The following HK1 variants were observed in gnomAD, a reference collection of about 807,000 sequenced individuals.
The protein encoded by HK1 is hexokinase-1.
In HK1, 28 loss-of-function variants were observed where a neutral mutation model predicts 91.6. The ratio of observed to expected loss-of-function variants is 0.31; its 90% confidence interval spans 0.23 to 0.42. The LOEUF (loss-of-function observed/expected upper bound fraction) is 0.42. Ranked by LOEUF, HK1 falls within the 10% of genes least tolerant of loss-of-function variation. HK1 has a pLI of 1.00. For synonymous variants in HK1, 430 were observed against 468.1 expected (o/e 0.92, Z 1.05); for missense variants, 770 against 1,219.8 (o/e 0.63, Z 5.49).
chr10:69,329,580 C>T lies in HK1; in HGVS notation c.63+10570C>T, dbSNP rs866912586. 2.0e-5 allele frequency among the ~76,000 whole-genome samples: 3 copies of T among 152,136 alleles called. No homozygotes were observed. In the South Asian group the frequency reaches 6.2e-4, roughly 32 times the overall value. On this transcript the variant is annotated intron_variant, in intron 1 of 17. Transcript: ENST00000359426. Reference sequence around the variant, plus strand: ...CCATTCAGAAATGAGCAAACGAAGGCCCCCCAGGTGGTGAATTGACTTTCT... The same window carrying T: ...CCATTCAGAAATGAGCAAACGAAGGTCCCCCAGGTGGTGAATTGACTTTCT...
At position 69,368,529 on chromosome 10, in the gene HK1, T is replaced by C; in HGVS notation, c.496-7T>C. 1 of 1,613,726 alleles carries C rather than the reference T, an allele frequency of 6.2e-7. No homozygotes were observed. Among genetic ancestry groups the C allele is most frequent in the Non-Finnish European group, 8.5e-7 (1 of 1,179,614 alleles). ...CCTCATCCAGCCCCATCCATTCTTC[T>C]TTGCAGGCCATCCTGATCACCTGGA... On this transcript the variant is annotated splice_polypyrimidine_tract_variant and splice_region_variant and intron_variant, in intron 4 of 17. Transcript: ENST00000359426.
chr10:69,283,029 G>A lies in HK1; in HGVS notation c.-215+325G>A, dbSNP rs563318286. ...TAATCCCAGCTACTTCGGAGGCTGA[G>A]GCAGGAGAATCGCTTGAACCCAGGA... is the stretch of plus-strand genomic sequence containing the variant. On this transcript the variant is annotated intron_variant, in intron 2 of 21. Coordinates refer to the HK1 transcript ENST00000360289. Among the ~76,000 whole-genome samples, 27 of 150,806 alleles carry A rather than the reference G, an allele frequency of 1.8e-4. No homozygotes were observed. The East Asian group carries it at 5.3e-3, about 29-fold the overall frequency.
chr10:69,380,929 A>C lies in HK1; in HGVS notation c.1265+834A>C, dbSNP rs1270174956. Among the ~76,000 whole-genome samples the C allele has an allele frequency of 6.6e-6, 1 of 152,220 alleles. No homozygotes were observed. Among genetic ancestry groups the C allele is most frequent in the East Asian group, 1.9e-4 (1 of 5,204 alleles). The stretch of plus-strand genomic sequence containing the variant: ...GTTTCCCACTGTACATATAAATACA[A>C]TGTGCATGTGAAGCACCCATGTCAG... On this transcript the variant is annotated intron_variant, in intron 9 of 17. Transcript: ENST00000359426. This position sits in a 1 kb window ranked among gnomAD's most constrained non-coding sequence, Gnocchi z 4.0.
At position 69,271,872 on chromosome 10, in the gene HK1, T is replaced by C. The variant is rs1844189093; in HGVS notation, c.-391+1764T>C. 1.3e-5 allele frequency among the ~76,000 whole-genome samples: 2 copies of C among 151,800 alleles called. 1 individual carries two copies. The highest frequency in any genetic ancestry group is 1.3e-4 in the Admixed American group (2 of 15,222). ...TATATCTGTGATTTCTCTTTTTTTT[T>C]CTTTTTTTTGAGATGGAGTTTTGCT... On this transcript the variant is annotated intron_variant, in intron 1 of 21. Coordinates refer to the HK1 transcript ENST00000360289.
chr10:69,279,253 C>T (rs1844618577), intron 1 of HK1, among the ~76,000 whole-genome samples: 1 of 152,192 alleles, frequency 6.6e-6, no homozygotes, highest in Non-Finnish European at 1.5e-5. Flanking sequence ...TGGGCTAATC[C>T]TCTCTCTGCC....
At chr10:69,308,567 C>G (rs892792384) in intron 5 of HK1, among the ~76,000 whole-genome samples, 1 of 152,088 alleles carries the variant, frequency 6.6e-6, no homozygotes. Flanking sequence ...TGCCTGGACT[C>G]TATAGATAAC....
chr10:69,328,522 CA>C lies in HK1; in HGVS notation c.63+9514del, dbSNP rs1342093407. Among the ~76,000 whole-genome samples, 6 of 152,234 alleles carry C rather than the reference CA, an allele frequency of 3.9e-5. No individual in the cohort carries two copies. The East Asian group carries it at 1.2e-3, about 29-fold the overall frequency. On this transcript the variant is annotated intron_variant, in intron 1 of 17. Transcript: ENST00000359426. ...TGAGCCTTTGCTTAGTTCATCCCCACAACGCCCTTGTGAGGTGGGTGTGATT... is the reference window on the plus strand; with the variant it reads ...TGAGCCTTTGCTTAGTTCATCCCCACACGCCCTTGTGAGGTGGGTGTGATT...
At chr10:69,284,999 A>T (rs1844949294) in intron 2 of HK1, among the ~76,000 whole-genome samples, 1 of 151,838 alleles carries the variant, frequency 6.6e-6, no homozygotes, top group Admixed American at 6.6e-5. Context: ...TTGTATTTTT[A>T]GTAGAGACAG....
chr10:69,347,961 A>G (rs771918763), intron 2 of HK1, among the ~76,000 whole-genome samples: 46 of 152,072 alleles, frequency 3.0e-4, no homozygotes, highest in Admixed American at 2.6e-3. Context: ...TTTGGGGTGA[A>G]GTATTTTGGG....
intron 5 of HK1, among the ~76,000 whole-genome samples, chr10:69,302,468 G>A (rs571279846): frequency 1.2e-4 from 18 of 147,862 alleles, no homozygotes; most frequent in African/African-American, 3.7e-4. Context: ...TCCGCCTCCC[G>A]GGTTCACACC....
rs188634223 is a variant in HK1, at chr10:69,295,319, G to C, written c.-114-314G>C. ...ACCGGCACATCTGTCTTTCTTAGTGGATTGTGGGCTCCTTGAGGGCCGAAC... is the reference window on the plus strand; with the variant it reads ...ACCGGCACATCTGTCTTTCTTAGTGCATTGTGGGCTCCTTGAGGGCCGAAC... On this transcript the variant is annotated intron_variant, in intron 3 of 21. Coordinates refer to the HK1 transcript ENST00000360289. Among the ~76,000 whole-genome samples the C allele has an allele frequency of 2.4e-3, 358 of 152,304 alleles. 2 individuals are homozygous for C. Among genetic ancestry groups the C allele is most frequent in the African/African-American group, 8.2e-3 (339 of 41,560 alleles).
Position 69,318,905 on chromosome 10 carries a change from C to G in HK1, c.-43C>G. 5.1e-6 allele frequency: 8 copies of G among 1,555,278 alleles called. No individual in the cohort carries two copies. Among genetic ancestry groups the G allele is most frequent in the Non-Finnish European group, 6.9e-6 (8 of 1,152,028 alleles). ...ACGGCTCGCCAGGGCTGCGGAGGAC[C>G]GACCGTCCCCACGCCTGCCGCCCCG... is the stretch of plus-strand genomic sequence containing the variant. On this transcript the variant is annotated 5_prime_UTR_variant, in exon 1 of 18. Coordinates refer to ENST00000359426, the MANE Select transcript of HK1 (RefSeq NM_000188.3).
At chr10:69,294,009 C>G (rs1416181646) in intron 3 of HK1, among the ~76,000 whole-genome samples, 2 of 151,634 alleles carry the variant, frequency 1.3e-5, no homozygotes, top group African/African-American at 4.8e-5. Context: ...CTACAGGCGC[C>G]CACCACCACG....
At chr10:69,286,398 G>A (rs1845034290) in intron 2 of HK1, among the ~76,000 whole-genome samples, 1 of 152,130 alleles carries the variant, frequency 6.6e-6, no homozygotes, top group Non-Finnish European at 1.5e-5. Context: ...CAGAGGCTGA[G>A]GTGGGAGGAT....
rs142991304 is a variant in HK1, at chr10:69,341,841, G to C, written c.64-1986G>C. Among the ~76,000 whole-genome samples the C allele has an allele frequency of 5.4e-3, 826 of 152,148 alleles. 8 individuals are homozygous for C. The highest frequency in any genetic ancestry group is 0.019 in the African/African-American group (778 of 41,488). ...TTATTGTAAAGGGAAAAAGGTGGTAGGGCTAGTGGTTAGGAGTGGGGGCAA... is the reference window on the plus strand; with the variant it reads ...TTATTGTAAAGGGAAAAAGGTGGTACGGCTAGTGGTTAGGAGTGGGGGCAA... On this transcript the variant is annotated intron_variant, in intron 1 of 17. Transcript: ENST00000359426.
upstream of HK1, among the ~76,000 whole-genome samples, chr10:69,313,589 A>G (rs755076134): frequency 2.0e-5 from 3 of 152,086 alleles, no homozygotes; most frequent in Non-Finnish European, 4.4e-5. Flanking sequence ...CAGCCTCCCA[A>G]GTAGCTGGGA....
At chr10:69,322,890 C>CAAA (rs36022169) in intron 1 of HK1, among the ~76,000 whole-genome samples, 16 of 114,418 alleles carry the variant, frequency 1.4e-4, no homozygotes, top group Admixed American at 2.6e-4. Flanking sequence ...AACTCCGTCT[C>CAAA]AAAAAAAAAA....
At chr10:69,352,396 G>A (rs1256556026) in intron 2 of HK1, among the ~76,000 whole-genome samples, 1 of 152,180 alleles carries the variant, frequency 6.6e-6, no homozygotes, top group African/African-American at 2.4e-5. Context: ...ATGCCACAAA[G>A]TCGGGGTCAG....
At chr10:69,330,452 G>C (rs1305741787) in intron 1 of HK1, among the ~76,000 whole-genome samples, 1 of 148,922 alleles carries the variant, frequency 6.7e-6, no homozygotes, top group East Asian at 2.0e-4. Context: ...AAGCAGAAGA[G>C]CTAGGATGGG....
Sources: allele counts gnomAD v4.1 joint callset (sites outside exome capture counted in the v4.1 genomes callset), GRCh38; gene constraint gnomAD v4.1.1; non-coding constraint Gnocchi (gnomAD v3.1); transcripts MANE v1.5; gene names NCBI Gene and HGNC (gene_info 2026-07-23, HGNC 2026-07-21).